Variants in RIT2 observed in about 807,000 individuals in gnomAD.
RIT2 encodes Ras like without CAAX 2.
Under a neutral mutation model 23.7 loss-of-function variants are expected in RIT2, and 24 were observed. That is an observed-to-expected ratio of 1.01 (90% CI 0.73 to 1.43). RIT2 has a LOEUF of 1.43. Ranked by LOEUF, RIT2 falls within the 40% of genes most tolerant of loss-of-function variation. RIT2 has a pLI of 0.00. For synonymous variants in RIT2, 107 were observed against 91.1 expected (o/e 1.17, Z -0.99); for missense variants, 236 against 266.9 (o/e 0.88, Z 0.81).
intron 4 of RIT2, among the ~76,000 whole-genome samples, chr18:42,852,761 TTCCC>T (rs752060157): frequency 5.5e-5 from 8 of 146,674 alleles, no homozygotes; most frequent in Admixed American, 1.4e-4. Context: ...GAATTTCTTC[TTCCC>T]TCCCTCCCTC....
At chr18:43,110,928 A>G (rs62090500) in intron 1 of RIT2, among the ~76,000 whole-genome samples, 12,548 of 152,180 alleles carry the variant, frequency 0.082, 651 homozygotes, top group East Asian at 0.15. Context: ...CTATAGGAAA[A>G]CAAATTAGCA....
chr18:42,924,061 A>G (rs188429012), intron 3 of RIT2, among the ~76,000 whole-genome samples: 3 of 152,144 alleles, frequency 2.0e-5, no homozygotes, highest in Non-Finnish European at 2.9e-5. Context: ...CCCAGGCTAG[A>G]TATTCTTTAA....
At chr18:42,812,906 T>C (rs1185113635) in intron 4 of RIT2, among the ~76,000 whole-genome samples, 1 of 152,194 alleles carries the variant, frequency 6.6e-6, no homozygotes, top group African/African-American at 2.4e-5. Context: ...TTTCAGCCTG[T>C]TGACAAGTTT....
intron 4 of RIT2, among the ~76,000 whole-genome samples, chr18:42,776,408 G>A (rs573608966): frequency 2.6e-5 from 4 of 152,148 alleles, no homozygotes; most frequent in African/African-American, 9.6e-5. Context: ...ACATAAAAGG[G>A]TAATATTATT....
intron 4 of RIT2, among the ~76,000 whole-genome samples, chr18:42,866,898 T>C (rs1473660250): frequency 6.6e-6 from 1 of 152,160 alleles, no homozygotes. Context: ...ATGGCTTTTG[T>C]TCTATTTTGT....
chr18:43,019,510 A>C (rs995996116), intron 2 of RIT2, among the ~76,000 whole-genome samples: 4 of 151,996 alleles, frequency 2.6e-5, no homozygotes, highest in African/African-American at 9.7e-5. Context: ...AAAAAACCCC[A>C]AAAACTAGAC....
chr18:43,081,136 C>A (rs1420374915), intron 1 of RIT2, among the ~76,000 whole-genome samples: 1 of 152,046 alleles, frequency 6.6e-6, no homozygotes, highest in Admixed American at 6.6e-5. Flanking sequence ...ATACTAATTA[C>A]ACATATAGAT....
chr18:43,008,290 A>T (rs936625528), intron 2 of RIT2, among the ~76,000 whole-genome samples: 2 of 151,668 alleles, frequency 1.3e-5, no homozygotes, highest in Non-Finnish European at 3.0e-5. Context: ...TACAATGTAC[A>T]TATATATAAG....
At chr18:43,052,670 T>A (rs1167270158) in intron 1 of RIT2, among the ~76,000 whole-genome samples, 1 of 152,076 alleles carries the variant, frequency 6.6e-6, no homozygotes, top group South Asian at 2.1e-4. Context: ...TCTACTCATC[T>A]CTTTCTTCTC....
chr18:43,098,690 A>G (rs1330694659), intron 1 of RIT2, among the ~76,000 whole-genome samples: 1 of 152,002 alleles, frequency 6.6e-6, no homozygotes, highest in Non-Finnish European at 1.5e-5. Context: ...TTTTATTTAT[A>G]AGAATTCATT....
In RIT2 at chr18:42,744,473, A is replaced by G. The variant is rs201470282; in HGVS notation, c.427-753T>C. 2.6e-5 allele frequency among the ~76,000 whole-genome samples: 4 copies of G among 152,354 alleles called. No homozygotes were observed. In the East Asian group the frequency reaches 7.7e-4, roughly 29 times the overall value. On this transcript the variant is annotated intron_variant, in intron 4 of 4. Coordinates refer to ENST00000326695, the MANE Select transcript of RIT2 (RefSeq NM_002930.4). ...GCTCTCCAGAATTCAAAAAAGCAATATAGCAAAGTGGTCAAAGAATAGCTT... is the reference window on the plus strand; with the variant it reads ...GCTCTCCAGAATTCAAAAAAGCAATGTAGCAAAGTGGTCAAAGAATAGCTT...
At chr18:43,095,217 G>A (rs1291545915) in intron 1 of RIT2, among the ~76,000 whole-genome samples, 2 of 152,024 alleles carry the variant, frequency 1.3e-5, no homozygotes, top group East Asian at 1.9e-4. Context: ...ATCCTCTACA[G>A]CATCTGTTCT....
At chr18:42,796,134 C>T (rs763039859) in intron 4 of RIT2, among the ~76,000 whole-genome samples, 3 of 152,140 alleles carry the variant, frequency 2.0e-5, no homozygotes, top group Non-Finnish European at 2.9e-5. Context: ...CTTGCTACTG[C>T]TCACTCTTTG....
At chr18:43,097,944 A>T (rs940466250) in intron 1 of RIT2, among the ~76,000 whole-genome samples, 1 of 151,994 alleles carries the variant, frequency 6.6e-6, no homozygotes, top group Non-Finnish European at 1.5e-5. Context: ...ACAGATGATT[A>T]ATCAATAAAG....
At chr18:43,062,874 A>G (rs1270070142) in intron 1 of RIT2, among the ~76,000 whole-genome samples, 1 of 151,902 alleles carries the variant, frequency 6.6e-6, no homozygotes, top group African/African-American at 2.4e-5. Context: ...AGGCATTCTA[A>G]CAGAAATATG....
At chr18:43,069,087 G>A (rs1357453189) in intron 1 of RIT2, among the ~76,000 whole-genome samples, 1 of 152,132 alleles carries the variant, frequency 6.6e-6, no homozygotes, top group Non-Finnish European at 1.5e-5. Flanking sequence ...GAGAACAGAA[G>A]CATTCTTTAT....
chr18:43,077,820 G>A (rs1201291375), intron 1 of RIT2, among the ~76,000 whole-genome samples: 1 of 152,138 alleles, frequency 6.6e-6, no homozygotes, highest in Non-Finnish European at 1.5e-5. Context: ...GATTAAAACA[G>A]TAATGTCTAG....
intron 4 of RIT2, among the ~76,000 whole-genome samples, chr18:42,756,774 T>C (rs1232573738): frequency 2.0e-5 from 3 of 152,110 alleles, no homozygotes; most frequent in South Asian, 4.1e-4. Context: ...CTTCAGGGGA[T>C]TGGTTATTGT....
intron 4 of RIT2, among the ~76,000 whole-genome samples, chr18:42,746,304 A>T (rs1049677252): frequency 2.0e-5 from 3 of 152,142 alleles, no homozygotes; most frequent in African/African-American, 7.2e-5. Context: ...TCAACTGACC[A>T]CAGTCAATAT....
Sources: gnomAD v4.1 joint callset for allele counts (sites outside exome capture counted in the v4.1 genomes callset) on GRCh38, gnomAD v4.1.1 for gene constraint, MANE v1.5 for transcripts, NCBI Gene and HGNC (gene_info 2026-07-23, HGNC 2026-07-21) for gene names.